The following NEBL variants were observed in gnomAD, a reference collection of about 807,000 sequenced individuals.
The protein encoded by NEBL is nebulette, also known as LIM and SH3 protein 2.
In NEBL, 122 loss-of-function variants were observed where a neutral mutation model predicts 140.2. That is an observed-to-expected ratio of 0.87 (90% CI 0.75 to 1.01). NEBL has a LOEUF of 1.01. Among genes scored for constraint, NEBL ranks in the 50% least tolerant of loss-of-function variants. The pLI is 0.00. For missense variants in NEBL, 1,365 were observed against 1,231.3 expected (o/e 1.11, Z -1.62); for synonymous variants, 436 against 398.9 (o/e 1.09, Z -1.11).
At chr10:21,039,069 T>G (rs1239465778) in intron 2 of NEBL, among the ~76,000 whole-genome samples, 7 of 145,738 alleles carry the variant, frequency 4.8e-5, no homozygotes, top group South Asian at 2.3e-4. Flanking sequence ...TGTTTTTTTT[T>G]TTTTTTTTTT....
At chr10:20,997,507 A>AAAAAAAAC (rs1837720210) in intron 3 of NEBL, among the ~76,000 whole-genome samples, 1 of 136,182 alleles carries the variant, frequency 7.3e-6, no homozygotes, top group Non-Finnish European at 1.5e-5. Context: ...AAAAAAAAAA[A>AAAAAAAAC]AAAAAAACAG....
chr10:20,808,721 A>C, intron 25 of NEBL, 62 bp from the exon 26 acceptor site: 1 of 1,504,956 alleles, frequency 6.6e-7, no homozygotes. Context: ...AAATCAACAA[A>C]AAATTACTTA....
At chr10:21,035,807 G>T (rs1273456523) in intron 2 of NEBL, among the ~76,000 whole-genome samples, 1 of 152,096 alleles carries the variant, frequency 6.6e-6, no homozygotes, top group African/African-American at 2.4e-5. Context: ...ATTTTTAAAT[G>T]TACATATATA....
chr10:20,951,698 AATT>A (rs1393616937), intron 4 of NEBL, among the ~76,000 whole-genome samples: 3 of 152,190 alleles, frequency 2.0e-5, no homozygotes, highest in Non-Finnish European at 2.9e-5. Flanking sequence ...TTGACATTAT[AATT>A]ATATGGCCTA....
Position 21,227,728 on chromosome 10 carries a change from T to TCTC in NEBL, n.348+20192_348+20193insGAG, listed in dbSNP as rs1842184215. The stretch of plus-strand genomic sequence containing the variant: ...TCTTCTTCTTTCTTCTTCTTCTTCT[T>TCTC]CTTCTTCTTCTTCTTCTTCTTCTTC... On this transcript the variant is annotated intron_variant and non_coding_transcript_variant, in intron 3 of 8. Coordinates refer to the NEBL transcript ENST00000675702. Among the ~76,000 whole-genome samples, 11 of 135,234 alleles carry TCTC rather than the reference T, an allele frequency of 8.1e-5. No homozygotes were observed. The South Asian group carries it at 2.6e-3, about 32-fold the overall frequency. The allele number at this position is 135,234 out of a possible 152,430, so 88.7% of individuals were successfully genotyped here. A position where few individuals can be genotyped will look rare whatever the true frequency, so the allele number is the denominator to read the frequency against.
intron 4 of NEBL, among the ~76,000 whole-genome samples, chr10:20,918,328 A>AG (rs1249943029): frequency 2.0e-5 from 3 of 152,164 alleles, no homozygotes; most frequent in Non-Finnish European, 2.9e-5. Context: ...ACTGCACTCC[A>AG]GCCTGGGTAA....
chr10:20,933,695 T>C (rs190771615), intron 4 of NEBL, among the ~76,000 whole-genome samples: 41 of 152,292 alleles, frequency 2.7e-4, no homozygotes, highest in Admixed American at 1.2e-3. Context: ...GATCACACCA[T>C]TGCATTGCAT....
chr10:21,229,372 G>A lies in NEBL; in HGVS notation n.348+18549C>T, dbSNP rs369271448. Among the ~76,000 whole-genome samples, 57 of 152,240 alleles carry A rather than the reference G, an allele frequency of 3.7e-4. No homozygotes were observed. In the East Asian group the frequency reaches 0.01, roughly 28 times the overall value. The stretch of plus-strand genomic sequence containing the variant: ...AGTGGTTGAGTCTGCAATGAGCCGT[G>A]ATCATGCCACTGCACTCCAACCTGG... On this transcript the variant is annotated intron_variant and non_coding_transcript_variant, in intron 3 of 8. Coordinates refer to the NEBL transcript ENST00000675702.
intron 3 of NEBL, among the ~76,000 whole-genome samples, chr10:21,183,207 C>T (rs927393055): frequency 2.0e-5 from 3 of 151,790 alleles, no homozygotes; most frequent in South Asian, 2.1e-4. Context: ...GCAGCATGAA[C>T]GAGAGAGAAA....
chr10:20,919,258 G>A (rs1833462601), intron 4 of NEBL, among the ~76,000 whole-genome samples: 1 of 152,130 alleles, frequency 6.6e-6, no homozygotes, highest in South Asian at 2.1e-4. Flanking sequence ...CGTACTGGTT[G>A]AGAACATAGG....
Position 21,139,039 on chromosome 10 carries a change from A to T in NEBL, c.164+33344T>A, listed in dbSNP as rs369360938. On this transcript the variant is annotated intron_variant, in intron 2 of 6. Transcript: ENST00000417816. Reference sequence around the variant, plus strand: ...TTGTTCATTTGTAATTTAGCCTTCAAATCTGTTTGAAAGCAATTCAACAAC... The same window carrying T: ...TTGTTCATTTGTAATTTAGCCTTCATATCTGTTTGAAAGCAATTCAACAAC... 7.9e-5 allele frequency among the ~76,000 whole-genome samples: 12 copies of T among 152,304 alleles called. No individual in the cohort carries two copies. The East Asian group carries it at 2.3e-3, about 29-fold the overall frequency.
chr10:21,199,181 C>T (rs1209020783), intron 3 of NEBL, among the ~76,000 whole-genome samples: 1 of 151,478 alleles, frequency 6.6e-6, no homozygotes, highest in Non-Finnish European at 1.5e-5. Flanking sequence ...TGAGCCACCA[C>T]ACCTGGCCAA....
intron 13 of NEBL, among the ~76,000 whole-genome samples, chr10:20,836,130 A>G (rs1402713098): frequency 2.6e-5 from 4 of 151,148 alleles, no homozygotes; most frequent in East Asian, 3.9e-4. Flanking sequence ...AAGCAAGCCT[A>G]TCGGTGCTAT....
rs74120660 is a variant in NEBL, at chr10:20,794,268, T to C, written c.2762-6960A>G. On this transcript the variant is annotated intron_variant, in intron 26 of 27. Coordinates refer to ENST00000377122, the MANE Select transcript of NEBL (RefSeq NM_006393.3). ...TAAAATATCTTTGCAAAATCAAAAA[T>C]CCTCTCTCAAGCCAATGCTAGGATC... Among the ~76,000 whole-genome samples the C allele has an allele frequency of 8.2e-3, 1,251 of 152,244 alleles. 25 individuals carry two copies. Among genetic ancestry groups the C allele is most frequent in the African/African-American group, 0.028 (1,183 of 41,550 alleles).
At chr10:20,853,179 G>A (rs1334778101) in intron 9 of NEBL, among the ~76,000 whole-genome samples, 1 of 152,166 alleles carries the variant, frequency 6.6e-6, no homozygotes, top group South Asian at 2.1e-4. Context: ...AGCAACTATT[G>A]TTCCTAAAAG....
intron 2 of NEBL, among the ~76,000 whole-genome samples, chr10:21,093,796 C>A (rs1783916352): frequency 1.3e-5 from 2 of 152,194 alleles, no homozygotes; most frequent in South Asian, 4.1e-4. Context: ...CAATACATTT[C>A]TTGTGAAAAT....
Position 20,814,037 on chromosome 10 carries a change from A to C in NEBL, c.2248T>G (p.Tyr750Asp). 1 of 1,582,646 alleles carries C rather than the reference A, an allele frequency of 6.3e-7. No homozygotes were observed. ...TTCATCTGTTTATGGTCCTGGGTAT[A>C]TTTTACCTGCAAAGTAAATAGTAGG... The part of the protein sequence containing the change: ...KNQENISSVK[Y>D]TQDHKQMKGR... The change falls in exon 23 of 28, where the codon TAT becomes GAT. Residue 750 changes from tyrosine to aspartate, a missense_variant. Physicochemically the swap from Tyr to Asp is radical, Grantham distance 160. Transcript: ENST00000377122.
chr10:21,064,705 T>C (rs1261755296), intron 2 of NEBL, among the ~76,000 whole-genome samples: 1 of 152,178 alleles, frequency 6.6e-6, no homozygotes, highest in Non-Finnish European at 1.5e-5. Context: ...CATATCAAAA[T>C]GAAACAATTA....
At chr10:20,791,064 A>G (rs1255867958) in intron 26 of NEBL, among the ~76,000 whole-genome samples, 2 of 152,220 alleles carry the variant, frequency 1.3e-5, no homozygotes, top group African/African-American at 4.8e-5. Context: ...TTATGTCAAC[A>G]AGATTAAAGC....
Sources: allele counts gnomAD v4.1 joint callset (sites outside exome capture counted in the v4.1 genomes callset), GRCh38; gene constraint gnomAD v4.1.1; transcripts MANE v1.5; gene names NCBI Gene and HGNC (gene_info 2026-07-23, HGNC 2026-07-21).